Variants in CAMK1D observed in about 807,000 individuals in gnomAD.
CAMK1D encodes calcium/calmodulin dependent protein kinase ID.
Under a neutral mutation model 47.7 loss-of-function variants are expected in CAMK1D, and 9 were observed. The ratio of observed to expected loss-of-function variants is 0.19; its 90% CI spans 0.11 to 0.33. The LOEUF is 0.33. Among genes scored for constraint, CAMK1D ranks in the 10% least tolerant of loss-of-function variants. The probability of loss-of-function intolerance (pLI) is 1.00; values close to 1 mark genes in which losing one functional copy is unlikely to be tolerated. For synonymous variants in CAMK1D, 184 were observed against 184.9 expected (o/e 0.99, Z 0.04); for missense variants, 291 against 488.7 (o/e 0.60, Z 3.81).
Position 12,583,758 on chromosome 10 carries a change from T to C in CAMK1D, c.224+30402T>C, listed in dbSNP as rs113499631. Reference sequence around the variant, plus strand: ...CTGGGATTACAGGTGTGCACCACCATGTCTGGCTAATTTTGTATTTTTAGT... The same window carrying C: ...CTGGGATTACAGGTGTGCACCACCACGTCTGGCTAATTTTGTATTTTTAGT... On this transcript the variant is annotated intron_variant, in intron 2 of 10. Transcript: ENST00000619168. Among the ~76,000 whole-genome samples the C allele has an allele frequency of 1.2e-3, 181 of 152,076 alleles. 1 individual carries two copies. The highest frequency in any genetic ancestry group is 1.9e-3 in the South Asian group (9 of 4,810).
intron 6 of CAMK1D, among the ~76,000 whole-genome samples, chr10:12,797,706 A>T (rs1286245958): frequency 1.3e-5 from 2 of 152,058 alleles, no homozygotes; most frequent in African/African-American, 4.8e-5. Flanking sequence ...TTCAGAAAGG[A>T]CCTCGTCTCC....
chr10:12,819,328 G>A (rs1014501166), intron 8 of CAMK1D, among the ~76,000 whole-genome samples: 6 of 152,212 alleles, frequency 3.9e-5, no homozygotes, highest in South Asian at 2.1e-4. Flanking sequence ...CTGCATGTGC[G>A]TTCCTGGTGC....
intron 1 of CAMK1D, among the ~76,000 whole-genome samples, chr10:12,365,458 A>T (rs1251027330): frequency 1.3e-5 from 2 of 151,408 alleles, no homozygotes; most frequent in Non-Finnish European, 2.9e-5. Flanking sequence ...TTTTGTTTTG[A>T]TACAGTGTCT....
intron 2 of CAMK1D, among the ~76,000 whole-genome samples, chr10:12,646,385 T>C (rs1286740741): frequency 6.6e-6 from 1 of 152,100 alleles, no homozygotes; most frequent in East Asian, 1.9e-4. Context: ...ATAGTAAACG[T>C]TTTTTTCTCT....
chr10:12,545,307 G>C (rs182144572), intron 1 of CAMK1D, among the ~76,000 whole-genome samples: 31 of 16,210 alleles, frequency 1.9e-3, no homozygotes, highest in African/African-American at 4.4e-3. Context: ...AAAACTAGCT[G>C]GACATGGTGG....
chr10:12,512,467 C>T (rs1835068225), intron 1 of CAMK1D, among the ~76,000 whole-genome samples: 1 of 152,198 alleles, frequency 6.6e-6, no homozygotes, highest in Admixed American at 6.5e-5. Context: ...GCAATCTCGG[C>T]TCACTGCAAC....
intron 3 of CAMK1D, among the ~76,000 whole-genome samples, chr10:12,677,222 A>G (rs10906204): frequency 0.47 from 71,625 of 151,652 alleles, 17,246 homozygotes; most frequent in East Asian, 0.5. Flanking sequence ...CTGTGTTCCC[A>G]GAAACAGTTT....
chr10:12,770,402 C>T (rs998219160), intron 5 of CAMK1D, among the ~76,000 whole-genome samples: 3 of 151,488 alleles, frequency 2.0e-5, no homozygotes, highest in Non-Finnish European at 4.4e-5. Context: ...CATCTTTTGA[C>T]TTCCGGGGTC....
chr10:12,722,446 C>CGA (rs371214385), intron 3 of CAMK1D, among the ~76,000 whole-genome samples: 1 of 48,596 alleles, frequency 2.1e-5, no homozygotes, highest in Non-Finnish European at 3.5e-5. Context: ...GACTCCGCCT[C>CGA]AAAAAAAAAA....
At chr10:12,794,402 G>A (rs1838103955) in intron 6 of CAMK1D, among the ~76,000 whole-genome samples, 1 of 152,094 alleles carries the variant, frequency 6.6e-6, no homozygotes, top group African/African-American at 2.4e-5. Flanking sequence ...GAGACCCTTG[G>A]AAGATACCCA....
Position 12,542,508 on chromosome 10 carries a change from G to A in CAMK1D, c.93-10717G>A, listed in dbSNP as rs540171030. Reference sequence around the variant, plus strand: ...AATTTGGGATGGATATAATTTCACCGAGTGGTTGGTTTAGTGAACTGTCAT... The same window carrying A: ...AATTTGGGATGGATATAATTTCACCAAGTGGTTGGTTTAGTGAACTGTCAT... On this transcript the variant is annotated intron_variant, in intron 1 of 10. Coordinates refer to ENST00000619168, the MANE Select transcript of CAMK1D (RefSeq NM_153498.4). 1.2e-4 allele frequency among the ~76,000 whole-genome samples: 19 copies of A among 152,252 alleles called. No individual in the cohort carries two copies. In the East Asian group the frequency reaches 2.7e-3, roughly 22 times the overall value.
At chr10:12,539,439 G>A (rs540335352) in intron 1 of CAMK1D, among the ~76,000 whole-genome samples, 11 of 152,308 alleles carry the variant, frequency 7.2e-5, no homozygotes, top group African/African-American at 2.4e-4. Flanking sequence ...CCAGATGAGG[G>A]ATGGCCAGTT....
At chr10:12,555,508 G>T (rs1219294554) in intron 2 of CAMK1D, among the ~76,000 whole-genome samples, 4 of 152,250 alleles carry the variant, frequency 2.6e-5, no homozygotes, top group Admixed American at 2.6e-4. Context: ...TGCAGGAAAT[G>T]ATTGTATGGA....
intron 1 of CAMK1D, among the ~76,000 whole-genome samples, chr10:12,518,395 GC>G (rs1281490119): frequency 2.6e-5 from 4 of 152,272 alleles, no homozygotes; most frequent in East Asian, 1.9e-4. Context: ...TCATACTTGG[GC>G]TTAGGGTTGT....
At chr10:12,559,633 A>G (rs1045244798) in intron 2 of CAMK1D, among the ~76,000 whole-genome samples, 3 of 152,136 alleles carry the variant, frequency 2.0e-5, no homozygotes, top group Admixed American at 2.0e-4. Context: ...CCCTTGGAAG[A>G]GCTGAGTTTT....
At chr10:12,495,822 T>C (rs1452234177) in intron 1 of CAMK1D, among the ~76,000 whole-genome samples, 1 of 152,198 alleles carries the variant, frequency 6.6e-6, no homozygotes, top group Non-Finnish European at 1.5e-5. Flanking sequence ...TATTCCTTTA[T>C]ATGTATATAT....
intron 2 of CAMK1D, among the ~76,000 whole-genome samples, chr10:12,557,526 T>C (rs1588630082): frequency 7.8e-6 from 1 of 128,278 alleles, no homozygotes; most frequent in African/African-American, 3.1e-5. Context: ...CACTCCAGCC[T>C]GGGCGACAGA....
intron 2 of CAMK1D, among the ~76,000 whole-genome samples, chr10:12,608,103 A>G (rs1464571814): frequency 6.6e-6 from 1 of 152,224 alleles, no homozygotes; most frequent in Non-Finnish European, 1.5e-5. Context: ...ATGTACAGAC[A>G]TGAAGGGAAC....
chr10:12,749,555 T>TTG (rs796458635), intron 3 of CAMK1D, among the ~76,000 whole-genome samples: 27,617 of 135,718 alleles, frequency 0.2, 2,977 homozygotes, highest in East Asian at 0.28. Context: ...TTGTTTTTTG[T>TTG]TTGTTTGTTT....
Sources: allele counts gnomAD v4.1 joint callset (sites outside exome capture counted in the v4.1 genomes callset), GRCh38; gene constraint gnomAD v4.1.1; transcripts MANE v1.5; gene names NCBI Gene and HGNC (gene_info 2026-07-23, HGNC 2026-07-21).